CHRFAM7A: variants seen among roughly 807,000 people sequenced by gnomAD.
CHRFAM7A encodes CHRNA7-FAM7A fusion protein.
In CHRFAM7A, 3 loss-of-function variants were observed where a neutral mutation model predicts 29.2. The observed-to-expected ratio is 0.10, with a 90% confidence interval of 0.05 to 0.27. The LOEUF (loss-of-function observed/expected upper bound fraction) is 0.27, where lower values mean the gene tolerates loss of function less well. Among genes scored for constraint, CHRFAM7A ranks in the 10% least tolerant of loss-of-function variants. CHRFAM7A has a pLI of 1.00. For missense variants in CHRFAM7A, 22 were observed against 328.0 expected, an observed-to-expected ratio of 0.07 and a Z score of 7.21; for synonymous variants, 7 against 135.4, an observed-to-expected ratio of 0.05 and a Z score of 6.58.
chr15:30,367,088 C>T (rs1194983052), intron 9 of CHRFAM7A, among the ~76,000 whole-genome samples: 1 of 150,156 alleles, frequency 6.7e-6, no homozygotes, highest in Non-Finnish European at 1.5e-5. Context: ...TCGACATCAG[C>T]CTGGCCAACA....
rs1204748041 is a variant in CHRFAM7A, at chr15:30,367,426, G to T, written c.712C>A (p.Pro238Thr). Residue 238 changes from proline (P) to threonine (T), a missense_variant, in exon 9 of 10, where the codon CCC (proline) becomes ACC (threonine). Pro to Thr is a conservative substitution (Grantham distance 38). Coordinates refer to ENST00000299847, the MANE Select transcript of CHRFAM7A (RefSeq NM_139320.2). ...GGGTGGGAGGAACGTACCCACTTGG[G>T]CATCTTGCCCCCGTCGGGGTCGTGG... ...HHHDPDGGKM[P>T]KWTRVILLNW... The T allele has an allele frequency of 6.2e-7, 1 of 1,607,572 alleles. No homozygotes were observed. The highest frequency in any genetic ancestry group is 8.5e-7 in the Non-Finnish European group (1 of 1,175,418).
intron 9 of CHRFAM7A, among the ~76,000 whole-genome samples, chr15:30,367,126 A>AC (rs1340360452): frequency 2.0e-5 from 3 of 150,658 alleles, no homozygotes; most frequent in Admixed American, 1.3e-4. Flanking sequence ...TACTAAAAAT[A>AC]CAAAAAAAAA....
At chr15:30,376,241 GTAGT>G (rs766296702) in intron 5 of CHRFAM7A, among the ~76,000 whole-genome samples, 263 of 142,738 alleles carry the variant, frequency 1.8e-3, no homozygotes, top group Non-Finnish European at 3.1e-3. Context: ...TGTGTGAGTG[GTAGT>G]TAGGTGTGGA....
chr15:30,375,929 T>TGG (rs2058926894), intron 5 of CHRFAM7A, among the ~76,000 whole-genome samples: 1 of 19,198 alleles, frequency 5.2e-5, no homozygotes, highest in Non-Finnish European at 1.3e-4. Context: ...GTGTGTGTGT[T>TGG]GAGTCGTGTG....
intron 8 of CHRFAM7A, among the ~76,000 whole-genome samples, chr15:30,369,218 C>T (rs1278938522): frequency 6.8e-6 from 1 of 147,708 alleles, no homozygotes; most frequent in African/African-American, 2.5e-5. Context: ...TCACCAGAGC[C>T]CTGCTGCCAC....
At chr15:30,374,014 C>CAGAT (rs1273162713) in intron 5 of CHRFAM7A, among the ~76,000 whole-genome samples, 1 of 145,458 alleles carries the variant, frequency 6.9e-6, no homozygotes, top group East Asian at 2.0e-4. Flanking sequence ...AAAACAAGAA[C>CAGAT]AGATAGATAG....
intron 7 of CHRFAM7A, among the ~76,000 whole-genome samples, chr15:30,371,872 T>C (rs2058862723): frequency 7.6e-6 from 1 of 131,704 alleles, no homozygotes; most frequent in South Asian, 2.5e-4. Context: ...AGCACAGGCC[T>C]CTCAAGGCAG....
rs932971484 is a variant in CHRFAM7A at position 30,375,778 on chromosome 15, AGT to A, written c.160+1250_160+1251del. ...GGTATATTTGTGTGAGTGGTGTGTG[AGT>A]GTTGAGTCGTGTGGGTGGTATGTGA... On this transcript the variant is annotated intron_variant, in intron 5 of 9. Transcript: ENST00000299847. 4.6e-5 allele frequency among the ~76,000 whole-genome samples: 6 copies of A among 131,204 alleles called. No individual in the cohort carries two copies. In the Admixed American group the frequency reaches 4.6e-4, roughly 10 times the overall value. The allele number at this position is 131,204 out of a possible 152,430, so 86.1% of individuals were successfully genotyped here. A position where few individuals can be genotyped will look rare whatever the true frequency, so the allele number is the denominator to read the frequency against.
rs1471169012 is a variant in CHRFAM7A, at chr15:30,371,183, C to T, written c.525G>A (p.Gly175=). The change falls in exon 8 of 10, where the codon GGG becomes GGA. Residue 175 remains glycine, a splice_region_variant and synonymous_variant. Transcript: ENST00000299847. Reference sequence around the variant, plus strand: ...CGGTAAGAGAGAGTAAGACTGTTATCCCTAAAACATAAACACACAGCGGTT... The same window carrying T: ...CGGTAAGAGAGAGTAAGACTGTTATTCCTAAAACATAAACACACAGCGGTT... ...PADSGEKISL[G]ITVLLSLTVF... is the part of the protein sequence containing the mutation. The T allele has an allele frequency of 6.9e-7, 1 of 1,457,182 alleles. No individual in the cohort carries two copies. The highest frequency in any genetic ancestry group is 1.8e-5 in the Admixed American group (1 of 56,088). The allele number at this position is 1,457,182 out of a possible 1,614,324, so 90.3% of individuals were successfully genotyped here.
chr15:30,368,191 T>TA (rs1340570946), intron 8 of CHRFAM7A, among the ~76,000 whole-genome samples: 1 of 135,988 alleles, frequency 7.4e-6, no homozygotes, highest in Non-Finnish European at 1.6e-5. Context: ...GTTCATGGGT[T>TA]AAAACCCTAG....
At chr15:30,363,434 AC>A (rs1157164219) in intron 9 of CHRFAM7A, among the ~76,000 whole-genome samples, 1 of 123,376 alleles carries the variant, frequency 8.1e-6, no homozygotes, top group African/African-American at 3.2e-5. Flanking sequence ...TGAAACAGAA[AC>A]TAGGTTAGTG....
At chr15:30,370,921 T>C (rs1287808331) in intron 8 of CHRFAM7A, among the ~76,000 whole-genome samples, 177 bp downstream of exon 8, 2 of 151,722 alleles carry the variant, frequency 1.3e-5, no homozygotes, top group Non-Finnish European at 2.9e-5. Context: ...AAGCTGAATA[T>C]CCCCTTCCCC....
At chr15:30,376,456 T>G (rs369198667) in intron 5 of CHRFAM7A, among the ~76,000 whole-genome samples, 7,936 of 44,480 alleles carry the variant, frequency 0.18, 42 homozygotes, top group Non-Finnish European at 0.22. Flanking sequence ...GATGGACTGG[T>G]GGGAAAGAAC....
chr15:30,369,072 C>G (rs1258989556), intron 8 of CHRFAM7A, among the ~76,000 whole-genome samples: 1 of 147,164 alleles, frequency 6.8e-6, no homozygotes, highest in African/African-American at 2.6e-5. Context: ...GGGCCTTCAA[C>G]AGGTCCTGAG....
rs2058766983 is a variant in CHRFAM7A at position 30,364,472 on chromosome 15, G to A, written c.721-1661C>T. 1.9e-4 allele frequency among the ~76,000 whole-genome samples: 2 copies of A among 10,770 alleles called. 1 individual carries two copies. The highest frequency in any genetic ancestry group is 2.0e-4 in the African/African-American group (2 of 10,154). The allele number at this position is 10,770 out of a possible 152,430, so 7.1% of individuals were successfully genotyped here. ...CGTCCATACAAGGCTCATGAGATAAGTCATCTCACTTGGGCCTTTCAGGGT... is the reference window on the plus strand; with the variant it reads ...CGTCCATACAAGGCTCATGAGATAAATCATCTCACTTGGGCCTTTCAGGGT... On this transcript the variant is annotated intron_variant, in intron 9 of 9. Coordinates refer to ENST00000299847, the MANE Select transcript of CHRFAM7A (RefSeq NM_139320.2).
intron 5 of CHRFAM7A, among the ~76,000 whole-genome samples, chr15:30,376,004 GTGTGAGTGGTGTGTGTGAT>G (rs1303686296): frequency 1.3e-5 from 2 of 150,276 alleles, no homozygotes; most frequent in Non-Finnish European, 2.9e-5. Context: ...GTGAGTGGTT[GTGTGAGTGGTGTGTGTGAT>G]TGTGAGTGGT....
In CHRFAM7A at chr15:30,375,249, T is replaced by TCC. The variant is rs1283582947; in HGVS notation, c.160+1779_160+1780dup. 1.4e-4 allele frequency among the ~76,000 whole-genome samples: 19 copies of TCC among 136,230 alleles called. No individual in the cohort carries two copies. The East Asian group carries it at 2.3e-3, about 16-fold the overall frequency. 89.4% of individuals were successfully genotyped at this position (136,230 alleles called of 152,430 possible). A position where few individuals can be genotyped will look rare whatever the true frequency, so the allele number is the denominator to read the frequency against. ...AAAGACCTCGGGAGTGATGGAAGGC[T>TCC]CCCCCCACTACCCCTGTTTGCAAGG... On this transcript the variant is annotated intron_variant, in intron 5 of 9. Coordinates refer to ENST00000299847, the MANE Select transcript of CHRFAM7A (RefSeq NM_139320.2).
chr15:30,363,076 G>A (rs1394771973), intron 9 of CHRFAM7A, among the ~76,000 whole-genome samples: 1 of 151,566 alleles, frequency 6.6e-6, no homozygotes, highest in Non-Finnish European at 1.5e-5. Flanking sequence ...AGGGAAGACA[G>A]CTTCGTGGAA....
At position 30,364,266 on chromosome 15, in the gene CHRFAM7A, G is replaced by A. The variant is rs1406651507; in HGVS notation, c.721-1455C>T. 2.5e-4 allele frequency among the ~76,000 whole-genome samples: 3 copies of A among 11,944 alleles called. 1 individual carries two copies. Among genetic ancestry groups the A allele is most frequent in the African/African-American group, 2.7e-4 (3 of 11,222 alleles). 7.8% of individuals were successfully genotyped at this position (11,944 alleles called of 152,430 possible). A position where few individuals can be genotyped will look rare whatever the true frequency, so the allele number is the denominator to read the frequency against. ...AAACAGGTCTGGGGACAAGAACAGG[G>A]AAGCACAAGACCAGTTTCACTGCAG... On this transcript the variant is annotated intron_variant, in intron 9 of 9. Coordinates refer to ENST00000299847, the MANE Select transcript of CHRFAM7A (RefSeq NM_139320.2).
Sources: allele counts gnomAD v4.1 joint callset (sites outside exome capture counted in the v4.1 genomes callset), GRCh38; gene constraint gnomAD v4.1.1; transcripts MANE v1.5; gene names NCBI Gene and HGNC (gene_info 2026-07-23, HGNC 2026-07-21).